TULP4: variants seen among roughly 807,000 people sequenced by gnomAD.
The protein encoded by TULP4 is tubby-related protein 4.
A neutral mutation model predicts 129.0 loss-of-function variants in TULP4; 16 were observed. The ratio of observed to expected loss-of-function variants is 0.12; its 90% CI spans 0.08 to 0.19. The LOEUF (loss-of-function observed/expected upper bound fraction) is 0.19, where lower values mean the gene tolerates loss of function less well. TULP4 is among the 10% of genes least tolerant of loss of function. The probability of loss-of-function intolerance (pLI) is 1.00; values close to 1 mark genes in which losing one functional copy is unlikely to be tolerated. For missense variants in TULP4, 1,842 were observed against 2,059.1 expected, an observed-to-expected ratio of 0.89 and a Z score of 2.04; for synonymous variants, 998 against 854.0, an observed-to-expected ratio of 1.17 and a Z score of -2.94.
At chr6:158,260,096 C>G (rs921652945) in intron 1 of TULP4, among the ~76,000 whole-genome samples, 12 of 152,174 alleles carry the variant, frequency 7.9e-5, no homozygotes, top group Admixed American at 6.5e-5. Flanking sequence ...TTCTGGCCCT[C>G]TAATCATATG....
rs1182975236 is a variant in TULP4 at position 158,402,720 on chromosome 6, T to TTAGAAAGGCTTA, written c.253-10345_253-10344insTAGAAAGGCTTA. ...ATATTAAAGGTCTGAACTAAGCTGT[T>TTAGAAAGGCTTA]AGCTTTCAAGCCTTAAGTTTAGAAA... On this transcript the variant is annotated intron_variant, in intron 1 of 13. Coordinates refer to ENST00000367097, the MANE Select transcript of TULP4 (RefSeq NM_020245.5). 4.8e-4 allele frequency among the ~76,000 whole-genome samples: 73 copies of TTAGAAAGGCTTA among 152,334 alleles called. 1 individual carries two copies. The highest frequency in any genetic ancestry group is 1.6e-3 in the African/African-American group (68 of 41,578).
intron 1 of TULP4, among the ~76,000 whole-genome samples, chr6:158,299,735 C>T (rs978493850): frequency 6.6e-6 from 1 of 152,114 alleles, no homozygotes; most frequent in South Asian, 2.1e-4. Context: ...TAGATTTCCA[C>T]AGGAGCATCC....
At chr6:158,305,131 C>T (rs1779194944) in intron 1 of TULP4, among the ~76,000 whole-genome samples, 1 of 152,144 alleles carries the variant, frequency 6.6e-6, no homozygotes, top group Admixed American at 6.6e-5. Context: ...TGGCACTCAC[C>T]CTTCTACTTA....
chr6:158,422,810 A>G (rs1293078920), intron 2 of TULP4, among the ~76,000 whole-genome samples: 3 of 152,152 alleles, frequency 2.0e-5, no homozygotes, highest in Non-Finnish European at 1.5e-5. Flanking sequence ...TGGCCCTCCC[A>G]CCCCAGCCTT....
chr6:158,272,080 A>T (rs1007257434), intron 1 of TULP4, among the ~76,000 whole-genome samples: 7 of 152,206 alleles, frequency 4.6e-5, no homozygotes, highest in African/African-American at 1.7e-4. Flanking sequence ...ACAGTTGCTG[A>T]GCATACACTG....
intron 1 of TULP4, among the ~76,000 whole-genome samples, chr6:158,265,783 T>G (rs1439653678): frequency 6.6e-6 from 1 of 152,180 alleles, no homozygotes; most frequent in East Asian, 1.9e-4. Flanking sequence ...TTGATTAAAC[T>G]TAAATCTTAC....
chr6:158,490,256 C>T (rs1029528109), intron 9 of TULP4, among the ~76,000 whole-genome samples: 14 of 152,068 alleles, frequency 9.2e-5, no homozygotes, highest in Non-Finnish European at 1.8e-4. Context: ...ATTAGCCAGG[C>T]GTGGTGGCGG....
upstream of TULP4, chr6:158,310,253 T>G (rs1196205621): frequency 6.6e-6 from 1 of 150,388 alleles, no homozygotes; most frequent in African/African-American, 2.5e-5. Context: ...TGGCAGAAGG[T>G]GACAAGGAAC....
At chr6:158,472,636 G>A (rs924822835) in intron 6 of TULP4, among the ~76,000 whole-genome samples, 1 of 152,156 alleles carries the variant, frequency 6.6e-6, no homozygotes, top group African/African-American at 2.4e-5. Flanking sequence ...GAAGTTAGGC[G>A]ATTTATTGGA....
chr6:158,366,668 T>C (rs563309324), intron 1 of TULP4, among the ~76,000 whole-genome samples: 8 of 152,228 alleles, frequency 5.3e-5, no homozygotes, highest in Non-Finnish European at 1.0e-4. Context: ...TGTTGTACCA[T>C]GTGTCTTGTT....
At chr6:158,435,975 C>G (rs1202106233) in intron 3 of TULP4, among the ~76,000 whole-genome samples, 1 of 151,834 alleles carries the variant, frequency 6.6e-6, no homozygotes, top group Non-Finnish European at 1.5e-5. Context: ...CGCCCAGTGG[C>G]ACGATCTCGG....
chr6:158,435,315 G>A (rs553638002), intron 3 of TULP4, among the ~76,000 whole-genome samples: 1 of 152,244 alleles, frequency 6.6e-6, no homozygotes, highest in African/African-American at 2.4e-5. Context: ...CTTGCCCCAG[G>A]AGCCACAGAG....
intron 1 of TULP4, among the ~76,000 whole-genome samples, chr6:158,245,508 G>C (rs1446198193): frequency 6.6e-6 from 1 of 152,052 alleles, no homozygotes; most frequent in Non-Finnish European, 1.5e-5. Context: ...TGTAGACATT[G>C]ATGCACTCAG....
In TULP4 at chr6:158,483,343, G is replaced by A. The variant is rs1233827282; in HGVS notation, c.1486+2054G>A. Among the ~76,000 whole-genome samples the A allele has an allele frequency of 2.6e-5, 4 of 152,082 alleles. No individual in the cohort carries two copies. In the East Asian group the frequency reaches 5.8e-4, roughly 22 times the overall value. ...GAATTTCTTTTTTCTTTTTATTGGG[G>A]GGATGGAGGGACAGGGTCTTGCTCT... On this transcript the variant is annotated intron_variant, in intron 8 of 13. Transcript: ENST00000367097.
At chr6:158,486,072 A>AT (rs1297584212) in intron 8 of TULP4, among the ~76,000 whole-genome samples, 1 of 152,196 alleles carries the variant, frequency 6.6e-6, no homozygotes, top group East Asian at 1.9e-4. Context: ...AATAGAATGA[A>AT]TATATTTTGC....
intron 1 of TULP4, among the ~76,000 whole-genome samples, chr6:158,255,900 A>G (rs554640044): frequency 7.0e-4 from 107 of 152,386 alleles, no homozygotes; most frequent in African/African-American, 2.4e-3. Context: ...TCAGAAGGTC[A>G]GAGGTGGCTT....
At chr6:158,483,709 C>T (rs1780000452) in intron 8 of TULP4, among the ~76,000 whole-genome samples, 1 of 152,002 alleles carries the variant, frequency 6.6e-6, no homozygotes, top group Admixed American at 6.5e-5. Context: ...CCATGCAAAT[C>T]ACCTGGGATG....
At chr6:158,343,858 A>C (rs1485784161) in intron 1 of TULP4, among the ~76,000 whole-genome samples, 1 of 152,226 alleles carries the variant, frequency 6.6e-6, no homozygotes, top group Non-Finnish European at 1.5e-5. Flanking sequence ...CATGGAGAAA[A>C]TACTAATAAA....
chr6:158,383,774 G>A (rs1261629644), intron 1 of TULP4, among the ~76,000 whole-genome samples: 1 of 152,210 alleles, frequency 6.6e-6, no homozygotes, highest in East Asian at 1.9e-4. Flanking sequence ...CATAATGGGA[G>A]GTAGTGTGGT....
Sources: allele counts gnomAD v4.1 joint callset (sites outside exome capture counted in the v4.1 genomes callset), GRCh38; gene constraint gnomAD v4.1.1; transcripts MANE v1.5; gene names NCBI Gene and HGNC (gene_info 2026-07-23, HGNC 2026-07-21).